Variants in IGBP1C observed in about 807,000 individuals in gnomAD.
IGBP1C encodes immunoglobulin-binding protein 1 family member C.
At chr17:58,673,945 C>G in the IGBP1C span, among the ~76,000 whole-genome samples, 2 of 152,112 alleles carry the variant, frequency 1.3e-5, no homozygotes, top group Non-Finnish European at 2.9e-5. Flanking sequence ...CAAACATCTT[C>G]AAGGTAGTAA....
the IGBP1C span, among the ~76,000 whole-genome samples, chr17:58,678,633 T>G: frequency 2.0e-5 from 3 of 151,748 alleles, no homozygotes; most frequent in Admixed American, 1.3e-4. Context: ...ATGAGAACAC[T>G]TGAACACGGG....
the IGBP1C span, among the ~76,000 whole-genome samples, chr17:58,671,788 C>A: frequency 6.6e-6 from 1 of 152,152 alleles, no homozygotes; most frequent in Non-Finnish European, 1.5e-5. Flanking sequence ...TTTGAGCTTA[C>A]AAAAGCCTTC....
At chr17:58,672,664 C>G in the IGBP1C span, among the ~76,000 whole-genome samples, 2 of 150,014 alleles carry the variant, frequency 1.3e-5, no homozygotes, top group Admixed American at 1.3e-4. Flanking sequence ...AGGCTGGCCT[C>G]GAACTCCTTG....
At chr17:58,661,149 C>T in the IGBP1C span, 3 of 828,426 alleles carry the variant, frequency 3.6e-6, no homozygotes, top group Admixed American at 5.1e-5. Context: ...GCCATAGCAA[C>T]GAGGCTAGGA....
the IGBP1C span, among the ~76,000 whole-genome samples, chr17:58,671,578 C>A: frequency 6.6e-6 from 1 of 152,120 alleles, no homozygotes; most frequent in Non-Finnish European, 1.5e-5. Context: ...GCTTTGTCTC[C>A]TGCCTGTGGT....
At chr17:58,670,839 C>T in the IGBP1C span, among the ~76,000 whole-genome samples, 1 of 142,116 alleles carries the variant, frequency 7.0e-6, no homozygotes, top group Admixed American at 7.2e-5. Flanking sequence ...TTCCTGAAAG[C>T]ATATGTTAAG....
chr17:58,687,452 G>A, the IGBP1C span, among the ~76,000 whole-genome samples: 1 of 152,040 alleles, frequency 6.6e-6, no homozygotes, highest in African/African-American at 2.4e-5. Flanking sequence ...GGGTTACAGA[G>A]TGGTGCCCTG....
the IGBP1C span, chr17:58,660,585 T>A: frequency 1.3e-6 from 1 of 795,564 alleles, no homozygotes; most frequent in Admixed American, 1.7e-5. Flanking sequence ...GATTAGCCCA[T>A]GTTCTGTCGG....
chr17:58,679,972 C>T, the IGBP1C span, among the ~76,000 whole-genome samples: 5 of 152,166 alleles, frequency 3.3e-5, no homozygotes, highest in East Asian at 3.9e-4. Context: ...CTTGGTGACA[C>T]GACTGAAATA....
chr17:58,663,634 T>G, the IGBP1C span, among the ~76,000 whole-genome samples: 1 of 151,896 alleles, frequency 6.6e-6, no homozygotes, highest in Non-Finnish European at 1.5e-5. Context: ...GCCTGGCTAA[T>G]TTTTTGTGTT....
chr17:58,661,760 G>C, the IGBP1C span: 2 of 550,556 alleles, frequency 3.6e-6, no homozygotes, highest in East Asian at 3.0e-5. Context: ...CAACGGAGTC[G>C]GTTGTGCCGG....
At chr17:58,662,246 C>T in the IGBP1C span, among the ~76,000 whole-genome samples, 3 of 151,724 alleles carry the variant, frequency 2.0e-5, no homozygotes, top group East Asian at 3.9e-4. Context: ...GTCAGGAGAC[C>T]GAGACCATCC....
chr17:58,689,945 G>C, the IGBP1C span, among the ~76,000 whole-genome samples: 1,449 of 151,250 alleles, frequency 9.6e-3, 21 homozygotes, highest in African/African-American at 0.033. Flanking sequence ...CGCCTCCTGG[G>C]TTCATGCAAT....
chr17:58,668,351 G>A, the IGBP1C span, among the ~76,000 whole-genome samples: 8 of 152,258 alleles, frequency 5.3e-5, no homozygotes, highest in East Asian at 1.5e-3. Context: ...GCAAAAAAGT[G>A]CACCTCTCCC....
chr17:58,661,079 A>C, the IGBP1C span: 2 of 1,061,632 alleles, frequency 1.9e-6, no homozygotes, highest in Admixed American at 3.4e-5. Context: ...CATTGTAGAC[A>C]ACTTATGCTC....
chr17:58,683,928 G>A, the IGBP1C span, among the ~76,000 whole-genome samples: 1 of 145,634 alleles, frequency 6.9e-6, no homozygotes, highest in African/African-American at 2.5e-5. Context: ...AGCTGGGCGT[G>A]GTGGTGCATC....
the IGBP1C span, among the ~76,000 whole-genome samples, chr17:58,683,380 A>C: frequency 0.043 from 6,334 of 145,842 alleles, 203 homozygotes; most frequent in African/African-American, 0.1. Flanking sequence ...CCCCCCCCCC[A>C]AAAAAAAAAG....
chr17:58,685,435 CAAA>C, the IGBP1C span, among the ~76,000 whole-genome samples: 12 of 78,610 alleles, frequency 1.5e-4, no homozygotes, highest in Admixed American at 2.8e-4. Flanking sequence ...GACTCGGTGT[CAAA>C]AAAAAAAAAA....
the IGBP1C span, among the ~76,000 whole-genome samples, chr17:58,688,444 G>A: frequency 3.9e-5 from 6 of 152,218 alleles, no homozygotes; most frequent in Non-Finnish European, 7.4e-5. Context: ...TTTAAAAAAC[G>A]TCTCAGCATT....
Sources: allele counts gnomAD v4.1 joint callset (sites outside exome capture counted in the v4.1 genomes callset), GRCh38; gene constraint gnomAD v4.1.1; transcripts MANE v1.5; gene names NCBI Gene and HGNC (gene_info 2026-07-23, HGNC 2026-07-21).